Variants in SPAG16 observed in about 807,000 individuals in gnomAD.
SPAG16 encodes the protein sperm-associated antigen 16 protein.
In SPAG16, 86 loss-of-function variants were observed where a neutral mutation model predicts 80.4. The observed-to-expected ratio is 1.07, with a 90% confidence interval of 0.90 to 1.28. The LOEUF is 1.28. SPAG16 is among the 50% of genes most tolerant of loss of function. The pLI, the probability that SPAG16 is intolerant of heterozygous loss-of-function variation, is 0.00. For missense variants in SPAG16, 870 were observed against 765.3 expected (o/e 1.14, Z -1.61); for synonymous variants, 294 against 265.9 (o/e 1.11, Z -1.03).
intron 15 of SPAG16, among the ~76,000 whole-genome samples, chr2:214,400,202 G>A (rs1383403233): frequency 6.6e-6 from 1 of 151,858 alleles, no homozygotes; most frequent in Admixed American, 6.6e-5. Context: ...TTCCTAGCAA[G>A]GTAGACTTAA....
At chr2:213,339,834 T>A (rs2064578862) in intron 5 of SPAG16, among the ~76,000 whole-genome samples, 1 of 152,158 alleles carries the variant, frequency 6.6e-6, no homozygotes, top group Non-Finnish European at 1.5e-5. Context: ...ATATTTCAAT[T>A]TTCCAAGCCA....
chr2:214,076,860 G>A (rs2051105819), intron 13 of SPAG16, among the ~76,000 whole-genome samples: 1 of 152,130 alleles, frequency 6.6e-6, no homozygotes, highest in Non-Finnish European at 1.5e-5. Flanking sequence ...GATATATTCA[G>A]TGGAAACCAT....
chr2:214,212,159 T>G (rs989596879), intron 15 of SPAG16, among the ~76,000 whole-genome samples: 47 of 152,202 alleles, frequency 3.1e-4, no homozygotes, highest in African/African-American at 1.1e-3. Flanking sequence ...AAGACATACT[T>G]GGTTTACCCC....
intron 14 of SPAG16, among the ~76,000 whole-genome samples, chr2:214,129,170 C>T (rs1191807596): frequency 1.3e-5 from 2 of 152,126 alleles, no homozygotes; most frequent in Non-Finnish European, 2.9e-5. Context: ...CTGTGCAACT[C>T]TCACCTCACC....
chr2:214,286,190 G>A (rs1693342705), intron 15 of SPAG16, among the ~76,000 whole-genome samples: 1 of 152,156 alleles, frequency 6.6e-6, no homozygotes, highest in South Asian at 2.1e-4. Flanking sequence ...GTAAGGGGGA[G>A]ATGTTGGTCT....
intron 12 of SPAG16, among the ~76,000 whole-genome samples, chr2:213,969,865 A>C (rs930879382): frequency 6.6e-6 from 1 of 152,158 alleles, no homozygotes; most frequent in African/African-American, 2.4e-5. Flanking sequence ...ATTATTTAAC[A>C]GTTAAAAAAA....
At chr2:214,025,655 T>A (rs889858803) in intron 13 of SPAG16, among the ~76,000 whole-genome samples, 2 of 151,628 alleles carry the variant, frequency 1.3e-5, no homozygotes, top group Non-Finnish European at 3.0e-5. Flanking sequence ...AAACAACACC[T>A]CTTGTTATAT....
chr2:214,263,237 C>T (rs145456336), intron 15 of SPAG16, among the ~76,000 whole-genome samples: 3 of 152,266 alleles, frequency 2.0e-5, no homozygotes, highest in East Asian at 1.9e-4. Context: ...TGACCCCACA[C>T]ATGCATAAAT....
chr2:214,201,639 C>T (rs940137260), intron 15 of SPAG16, among the ~76,000 whole-genome samples: 2 of 152,176 alleles, frequency 1.3e-5, no homozygotes, highest in African/African-American at 2.4e-5. Flanking sequence ...AGTTAGGTCA[C>T]TTCAGCATGT....
intron 13 of SPAG16, among the ~76,000 whole-genome samples, chr2:214,054,009 A>T (rs1386188932): frequency 3.3e-5 from 5 of 151,480 alleles, no homozygotes; most frequent in East Asian, 1.9e-4. Flanking sequence ...CTTTTTTTTT[A>T]AAAACGGAGT....
chr2:213,809,700 G>A (rs761419170), intron 10 of SPAG16, among the ~76,000 whole-genome samples: 1 of 152,064 alleles, frequency 6.6e-6, no homozygotes, highest in Non-Finnish European at 1.5e-5. Context: ...AAGAAAAAGT[G>A]AAAAGATTGA....
At chr2:213,332,769 A>G (rs1265521211) in intron 5 of SPAG16, among the ~76,000 whole-genome samples, 1 of 152,194 alleles carries the variant, frequency 6.6e-6, no homozygotes, top group African/African-American at 2.4e-5. Context: ...ATGAACAACA[A>G]AAACCATATG....
intron 14 of SPAG16, among the ~76,000 whole-genome samples, chr2:214,130,174 A>G (rs1014451): frequency 0.12 from 18,557 of 152,216 alleles, 1,389 homozygotes; most frequent in East Asian, 0.29. Flanking sequence ...CTGATTGGCA[A>G]GCTTCCAAGC....
chr2:214,156,501 C>T (rs2056220001), intron 15 of SPAG16, among the ~76,000 whole-genome samples: 1 of 152,122 alleles, frequency 6.6e-6, no homozygotes. Context: ...TGGACTGGGC[C>T]AGGCATGGTG....
At chr2:214,278,016 C>T (rs1465070295) in intron 15 of SPAG16, among the ~76,000 whole-genome samples, 4 of 152,194 alleles carry the variant, frequency 2.6e-5, no homozygotes, top group Admixed American at 1.3e-4. Context: ...TCAGCAATGG[C>T]GGATGCCCCT....
At chr2:214,283,915 G>A (rs1912198) in intron 15 of SPAG16, among the ~76,000 whole-genome samples, 52,757 of 151,954 alleles carry the variant, frequency 0.35, 9,302 homozygotes, top group East Asian at 0.5. Context: ...TAAATTACCA[G>A]TGAATAAAGG....
intron 14 of SPAG16, among the ~76,000 whole-genome samples, chr2:214,116,493 C>T (rs1173200542): frequency 6.6e-6 from 1 of 152,152 alleles, no homozygotes; most frequent in Non-Finnish European, 1.5e-5. Flanking sequence ...ATTGCACACT[C>T]ACGTGGGCCA....
At chr2:213,660,939 G>A (rs2063402873) in intron 10 of SPAG16, among the ~76,000 whole-genome samples, 1 of 152,124 alleles carries the variant, frequency 6.6e-6, no homozygotes, top group Non-Finnish European at 1.5e-5. Flanking sequence ...AGAGCTCAGG[G>A]CCTTTGCAGT....
chr2:213,752,819 G>GT (rs1051855724), intron 10 of SPAG16, among the ~76,000 whole-genome samples: 5 of 152,160 alleles, frequency 3.3e-5, no homozygotes, highest in African/African-American at 1.2e-4. Context: ...CTATCAATTT[G>GT]TTGACTATTC....
Sources: gnomAD v4.1 joint callset for allele counts (sites outside exome capture counted in the v4.1 genomes callset) on GRCh38, gnomAD v4.1.1 for gene constraint, MANE v1.5 for transcripts, NCBI Gene and HGNC (gene_info 2026-07-23, HGNC 2026-07-21) for gene names.